The following ADGRG4 variants were observed in gnomAD, a reference collection of about 807,000 sequenced individuals.
The protein encoded by ADGRG4 is adhesion G protein-coupled receptor G4.
Under a neutral mutation model 126.2 loss-of-function variants are expected in ADGRG4, and 122 were observed. The ratio of observed to expected loss-of-function variants is 0.97; its 90% CI spans 0.83 to 1.12. The LOEUF is 1.12. Ranked by LOEUF, ADGRG4 falls within the 50% of genes most tolerant of loss-of-function variation. The pLI is 0.00. For missense variants in ADGRG4, 2,481 were observed against 2,251.8 expected (o/e 1.10, Z -2.06); for synonymous variants, 943 against 838.7 (o/e 1.12, Z -2.15).
At chrX:136,316,436 T>A (rs1226538040) in intron 4 of ADGRG4, among the ~76,000 whole-genome samples, 1 of 111,548 alleles carries the variant, frequency 9.0e-6, no homozygotes, top group Admixed American at 9.5e-5. Context: ...TCTTAGAGTT[T>A]TAAACCATTT....
At chrX:136,338,093 T>G (rs1273767484) in intron 5 of ADGRG4, among the ~76,000 whole-genome samples, 17 of 110,504 alleles carry the variant, frequency 1.5e-4, no homozygotes, top group African/African-American at 5.6e-4. Flanking sequence ...ACTCTACTAT[T>G]AAGTCCATCC....
chrX:136,407,149 G>A (rs899136088), intron 23 of ADGRG4, among the ~76,000 whole-genome samples: 8 of 110,392 alleles, frequency 7.2e-5, no homozygotes, highest in African/African-American at 2.6e-4. Flanking sequence ...GTCTCCCTTC[G>A]TGCTCTCCAC....
Position 136,413,070 on chromosome X carries a change from C to T in ADGRG4, c.9037+704C>T, listed in dbSNP as rs1244473629. Among the ~76,000 whole-genome samples the T allele has an allele frequency of 3.6e-5, 4 of 109,840 alleles. No homozygotes were observed. In the East Asian group the frequency reaches 1.2e-3, roughly 32 times the overall value. On this transcript the variant is annotated intron_variant, in intron 24 of 25. Transcript: ENST00000394143. Reference sequence around the variant, plus strand: ...CCACTTTATTTTATTTTTTTTCTTCCAGTATTTTATTTTATTTATTTATTT... The same window carrying T: ...CCACTTTATTTTATTTTTTTTCTTCTAGTATTTTATTTTATTTATTTATTT...
At chrX:136,391,468 A>G (rs1182418068) in intron 16 of ADGRG4, among the ~76,000 whole-genome samples, 1 of 112,367 alleles carries the variant, frequency 8.9e-6, no homozygotes, top group Non-Finnish European at 1.9e-5. Flanking sequence ...ACCAACATTT[A>G]TTAAGCATTC....
In ADGRG4 at chrX:136,359,461, T is replaced by G; in HGVS notation, c.7144+6T>G. On this transcript the variant is annotated splice_donor_region_variant and intron_variant, in intron 11 of 25. Transcript: ENST00000394143. ...CGTTGCAGTGAAAAAACTAGGTAAT[T>G]TTTTTGGGGGGTGGATATTGCAGTA... is the stretch of plus-strand genomic sequence containing the variant. 1 of 1,179,161 alleles carries G rather than the reference T, an allele frequency of 8.5e-7. No homozygotes were observed. The highest frequency in any genetic ancestry group is 1.1e-6 in the Non-Finnish European group (1 of 873,779).
chrX:136,403,062 A>T (rs1287951443), intron 21 of ADGRG4, among the ~76,000 whole-genome samples, 182 bp from the exon 22 acceptor site: 1 of 112,642 alleles, frequency 8.9e-6, no homozygotes, highest in Admixed American at 9.4e-5. Flanking sequence ...AGCAGATTGG[A>T]GAACTCCTTG....
chrX:136,386,334 A>C (rs2075292419), intron 15 of ADGRG4, among the ~76,000 whole-genome samples: 1 of 111,916 alleles, frequency 8.9e-6, no homozygotes, highest in Non-Finnish European at 1.9e-5. Flanking sequence ...AAACCAAACA[A>C]CACCAGTTGT....
At chrX:136,387,289 T>C (rs17002586) in intron 15 of ADGRG4, among the ~76,000 whole-genome samples, 3,405 of 112,299 alleles carry the variant, frequency 0.03, 132 homozygotes, top group African/African-American at 0.1. Flanking sequence ...AAAACATTGC[T>C]CCATAAACTA....
At chrX:136,380,602 TCC>T (rs1491557586) in intron 15 of ADGRG4, among the ~76,000 whole-genome samples, 39 of 79,557 alleles carry the variant, frequency 4.9e-4, no homozygotes, top group African/African-American at 1.4e-3. Flanking sequence ...CTCCTCCTCC[TCC>T]TCTTCTTCTT....
In ADGRG4 at chrX:136,405,415, C is replaced by T. The variant is rs1389813739; in HGVS notation, c.8655-277C>T. Among the ~76,000 whole-genome samples, 3 of 111,040 alleles carry T rather than the reference C, an allele frequency of 2.7e-5. No homozygotes were observed. In the Admixed American group the frequency reaches 2.9e-4, roughly 11 times the overall value. ...CTGCTGTTAACGAAGAGAACCATTT[C>T]CTAGGGAATTGGACTGACAGGTTTC... On this transcript the variant is annotated intron_variant, in intron 22 of 25. Coordinates refer to ENST00000394143, the MANE Select transcript of ADGRG4 (RefSeq NM_153834.4).
In ADGRG4 at chrX:136,348,908, G is replaced by C. The variant is rs2075039505; in HGVS notation, c.5202G>C (p.Gly1734=). ...RSLSTVNSGT[G]VALTDTYSRI... is the part of the protein sequence containing the mutation. The stretch of plus-strand genomic sequence containing the variant: ...TATCTACTGTGAACAGTGGTACAGG[G>C]GTAGCTCTCACAGATACTTATTCCA... Residue 1734 remains glycine, a synonymous_variant, in exon 6 of 26, where the codon GGG becomes GGC. Transcript: ENST00000394143. 1 of 1,201,380 alleles carries C rather than the reference G, an allele frequency of 8.3e-7. No individual in the cohort carries two copies. The highest frequency in any genetic ancestry group is 1.8e-5 in the African/African-American group (1 of 56,477).
intron 23 of ADGRG4, among the ~76,000 whole-genome samples, chrX:136,411,681 T>C (rs763027853): frequency 8.9e-6 from 1 of 112,396 alleles, no homozygotes; most frequent in East Asian, 2.8e-4. Context: ...GGGACTGTCG[T>C]GAAGTTGTAG....
chrX:136,384,153 C>T (rs2075281370), intron 15 of ADGRG4, among the ~76,000 whole-genome samples: 1 of 110,340 alleles, frequency 9.1e-6, no homozygotes, highest in South Asian at 3.8e-4. Context: ...TGAAGTGATC[C>T]ACCAGCCTTG....
At chrX:136,355,182 G>T (rs1330876529) in intron 8 of ADGRG4, among the ~76,000 whole-genome samples, 1 of 109,401 alleles carries the variant, frequency 9.1e-6, no homozygotes, top group Non-Finnish European at 1.9e-5. Context: ...CAAGGGCTAT[G>T]GGAGTTATGA....
At chrX:136,310,623 A>G (rs1402570824) in intron 4 of ADGRG4, among the ~76,000 whole-genome samples, 1 of 111,194 alleles carries the variant, frequency 9.0e-6, no homozygotes, top group African/African-American at 3.3e-5. Flanking sequence ...GGGAGAGATT[A>G]AGGCCAGATT....
chrX:136,367,244 T>C (rs1318293232), intron 13 of ADGRG4, among the ~76,000 whole-genome samples: 1 of 112,219 alleles, frequency 8.9e-6, no homozygotes, highest in East Asian at 2.8e-4. Flanking sequence ...TTCTCAGACC[T>C]GTTTTCCTTG....
Position 136,345,546 on chromosome X carries a change from A to G in ADGRG4, c.1840A>G (p.Thr614Ala), listed in dbSNP as rs749780022. The G allele has an allele frequency of 2.9e-5, 35 of 1,207,677 alleles. 1 individual carries two copies. In the South Asian group the frequency reaches 6.2e-4, roughly 21 times the overall value. Residue 614 changes from threonine (T) to alanine (A), a missense_variant, in exon 6 of 26, where the codon ACA (threonine) becomes GCA (alanine). Coordinates refer to ENST00000394143, the MANE Select transcript of ADGRG4 (RefSeq NM_153834.4). ...TGRVYTQNTP[T>A]ADGHLLTLMS... is the part of the protein sequence containing the mutation. ...ACGAGTTTACACCCAGAATACACCT[A>G]CAGCTGATGGACACTTGCTTACTTT...
At chrX:136,326,430 C>G (rs746259911) in intron 5 of ADGRG4, among the ~76,000 whole-genome samples, 17 of 112,227 alleles carry the variant, frequency 1.5e-4, no homozygotes, top group Admixed American at 6.6e-4. Context: ...TGTCACCAAT[C>G]AAATAAGTAG....
chrX:136,344,719 AT>A lies in ADGRG4; in HGVS notation c.1015del (p.Ser339ProfsTer2). ...TQSISIDNTT[N>X]SMKKTKSPSS... Reference sequence around the variant, plus strand: ...AGTATATCCATAGACAATACTACCAATTCCATGAAAAAAACGAAATCTCCAT... The same window carrying A: ...AGTATATCCATAGACAATACTACCAATCCATGAAAAAAACGAAATCTCCAT... On this transcript the variant is annotated frameshift_variant, in exon 6 of 26. Coordinates refer to ENST00000394143, the MANE Select transcript of ADGRG4 (RefSeq NM_153834.4). LOFTEE classifies it high-confidence loss of function. 3.3e-6 allele frequency: 4 copies of A among 1,208,419 alleles called. No homozygotes were observed. The highest frequency in any genetic ancestry group is 4.5e-6 in the Non-Finnish European group (4 of 893,072).
Sources: gnomAD v4.1 joint callset for allele counts (sites outside exome capture counted in the v4.1 genomes callset) on GRCh38, gnomAD v4.1.1 for gene constraint, MANE v1.5 for transcripts, NCBI Gene and HGNC (gene_info 2026-07-23, HGNC 2026-07-21) for gene names.